The following SLC44A5 variants were observed in gnomAD, a reference collection of about 807,000 sequenced individuals.
The protein encoded by SLC44A5 is choline transporter-like protein 5.
A neutral mutation model predicts 101.8 loss-of-function variants in SLC44A5; 57 were observed. The ratio of observed to expected loss-of-function variants is 0.56; its 90% CI spans 0.45 to 0.70. SLC44A5 has a LOEUF of 0.70. Ranked by LOEUF, SLC44A5 falls within the 30% of genes least tolerant of loss-of-function variation. The pLI is 0.00. For synonymous variants in SLC44A5, 281 were observed against 290.9 expected (o/e 0.97, Z 0.35); for missense variants, 737 against 853.1 (o/e 0.86, Z 1.70).
In SLC44A5 at chr1:75,576,015, G is replaced by C. The variant is rs941499145; in HGVS notation, c.-69-34499C>G. On this transcript the variant is annotated intron_variant, in intron 1 of 23. Transcript: ENST00000370859. ...ACCAGAAATGTAGTAGCCAAAATGA[G>C]AACGGTTGTCACAAGCTATTAAGAG... is the stretch of plus-strand genomic sequence containing the variant. Among the ~76,000 whole-genome samples the C allele has an allele frequency of 3.3e-5, 5 of 151,670 alleles. No homozygotes were observed. In the East Asian group the frequency reaches 7.8e-4, roughly 24 times the overall value.
rs184496706 is a variant in SLC44A5 at position 75,448,276 on chromosome 1, A to C, written c.14-51655T>G. 1.6e-3 allele frequency among the ~76,000 whole-genome samples: 248 copies of C among 152,344 alleles called. 1 individual carries two copies. The highest frequency in any genetic ancestry group is 6.3e-4 in the Non-Finnish European group (43 of 68,040). On this transcript the variant is annotated intron_variant, in intron 2 of 23. Transcript: ENST00000370859. ...TTTGTCTATCTTGTCCTAATGTTCA[A>C]GTCTGCATAGATGGAAACATGATCA...
At chr1:75,222,336 T>G in intron 14 of SLC44A5, 25 bp downstream of exon 14, 12 of 1,537,150 alleles carry the variant, frequency 7.8e-6, no homozygotes, top group African/African-American at 1.4e-5. Flanking sequence ...ACACTTTAGC[T>G]GAGTTTCTAC....
intron 2 of SLC44A5, among the ~76,000 whole-genome samples, chr1:75,403,361 C>T (rs1208220774): frequency 6.6e-6 from 1 of 152,184 alleles, no homozygotes; most frequent in African/African-American, 2.4e-5. Flanking sequence ...GGACAGACTG[C>T]CTCCTCAAGT....
At chr1:75,450,088 A>G (rs2587042) in intron 2 of SLC44A5, among the ~76,000 whole-genome samples, 36,121 of 152,090 alleles carry the variant, frequency 0.24, 5,414 homozygotes, top group East Asian at 0.8. Flanking sequence ...ATCCACTTGA[A>G]TCATGTAGGA....
chr1:75,457,492 T>G (rs1666252874), intron 2 of SLC44A5, among the ~76,000 whole-genome samples: 1 of 152,090 alleles, frequency 6.6e-6, no homozygotes, highest in Non-Finnish European at 1.5e-5. Flanking sequence ...GAAAAAGTAT[T>G]CCAGGCTGTG....
chr1:75,582,975 A>G (rs532977928), intron 1 of SLC44A5, among the ~76,000 whole-genome samples: 1 of 152,284 alleles, frequency 6.6e-6, no homozygotes, highest in Non-Finnish European at 1.5e-5. Context: ...CCCCTCCTCT[A>G]GCCTTGACAG....
chr1:75,253,708 A>G (rs998992950), intron 6 of SLC44A5, among the ~76,000 whole-genome samples: 2 of 152,156 alleles, frequency 1.3e-5, no homozygotes, highest in African/African-American at 4.8e-5. Flanking sequence ...GTAAATCAGT[A>G]AGTGCCAAGA....
rs1646867850 is a variant in SLC44A5, at chr1:75,211,995, A to G, written c.1963-443T>C. Reference sequence around the variant, plus strand: ...GATAACAGTTTATAAGAGGTGTTCCAGATAACAGAACAACCCTTCTCAACA... The same window carrying G: ...GATAACAGTTTATAAGAGGTGTTCCGGATAACAGAACAACCCTTCTCAACA... On this transcript the variant is annotated intron_variant, in intron 22 of 23. Coordinates refer to ENST00000370859, the MANE Select transcript of SLC44A5 (RefSeq NM_001130058.2). Among the ~76,000 whole-genome samples, 4 of 152,028 alleles carry G rather than the reference A, an allele frequency of 2.6e-5. No individual in the cohort carries two copies. The South Asian group carries it at 8.3e-4, about 32-fold the overall frequency.
intron 3 of SLC44A5, among the ~76,000 whole-genome samples, chr1:75,344,645 G>C (rs1345651659): frequency 6.6e-6 from 1 of 152,104 alleles, no homozygotes; most frequent in Admixed American, 6.6e-5. Flanking sequence ...GCTATTTCTG[G>C]CTTTAAAGAT....
chr1:75,488,492 T>C (rs1668271326), intron 2 of SLC44A5, among the ~76,000 whole-genome samples: 1 of 152,208 alleles, frequency 6.6e-6, no homozygotes, highest in Non-Finnish European at 1.5e-5. Context: ...TTGACCAAAA[T>C]GTCATCATGC....
At chr1:75,356,631 T>C (rs1350285374) in intron 3 of SLC44A5, among the ~76,000 whole-genome samples, 1 of 152,150 alleles carries the variant, frequency 6.6e-6, no homozygotes, top group Non-Finnish European at 1.5e-5. Flanking sequence ...AAATACACAG[T>C]AATATACAGT....
rs554590312 is a variant in SLC44A5, at chr1:75,536,868, T to C, written c.13+4567A>G. Among the ~76,000 whole-genome samples, 83 of 139,232 alleles carry C rather than the reference T, an allele frequency of 6.0e-4. 1 individual carries two copies. Among genetic ancestry groups the C allele is most frequent in the African/African-American group, 2.0e-3 (76 of 38,546 alleles). 91.3% of individuals were successfully genotyped at this position (139,232 alleles called of 152,430 possible). A position where few individuals can be genotyped will look rare whatever the true frequency, so the allele number is the denominator to read the frequency against. ...AAAAATACAAAAAATTAGCCGGGCG[T>C]AGTGGCGGGCGCCTGTAGTCCCAGC... On this transcript the variant is annotated intron_variant, in intron 2 of 23. Transcript: ENST00000370859.
chr1:75,668,232 T>TA, the SLC44A5 span, among the ~76,000 whole-genome samples: 1 of 144,272 alleles, frequency 6.9e-6, no homozygotes, highest in African/African-American at 2.5e-5. Context: ...ACTGGGCTAA[T>TA]AAAAAATAGG....
At chr1:75,516,657 G>C (rs193215020) in intron 2 of SLC44A5, among the ~76,000 whole-genome samples, 121 of 152,294 alleles carry the variant, frequency 7.9e-4, no homozygotes, top group Non-Finnish European at 1.2e-3. Context: ...TTCTATGTTA[G>C]ATTATGACCA....
intron 1 of SLC44A5, among the ~76,000 whole-genome samples, chr1:75,545,867 A>T (rs1553201643): frequency 3.1e-4 from 46 of 147,710 alleles, no homozygotes; most frequent in Non-Finnish European, 1.5e-5. Context: ...TCTGTCACCC[A>T]GGCTGCTGGA....
At chr1:75,306,642 C>T (rs562014307) in intron 4 of SLC44A5, among the ~76,000 whole-genome samples, 279 of 151,648 alleles carry the variant, frequency 1.8e-3, no homozygotes, top group Middle Eastern at 3.4e-3. Flanking sequence ...TTCACACTAG[C>T]TCTTATTCTC....
intron 9 of SLC44A5, among the ~76,000 whole-genome samples, chr1:75,241,289 T>C (rs1648606771): frequency 6.6e-6 from 1 of 152,032 alleles, no homozygotes; most frequent in Non-Finnish European, 1.5e-5. Context: ...AGTGGTACAA[T>C]CATAGCTAAC....
intron 3 of SLC44A5, among the ~76,000 whole-genome samples, chr1:75,367,479 C>T (rs1205316368): frequency 6.6e-6 from 1 of 152,170 alleles, no homozygotes; most frequent in African/African-American, 2.4e-5. Context: ...ACAGGTGTGG[C>T]TCCTGCTGGG....
At chr1:75,647,772 C>A in the SLC44A5 span, among the ~76,000 whole-genome samples, 62 of 152,282 alleles carry the variant, frequency 4.1e-4, no homozygotes, top group African/African-American at 1.4e-3. Context: ...TGGCCAATTT[C>A]TCCCTTTTGG....
Sources: allele counts gnomAD v4.1 joint callset (sites outside exome capture counted in the v4.1 genomes callset), GRCh38; gene constraint gnomAD v4.1.1; transcripts MANE v1.5; gene names NCBI Gene and HGNC (gene_info 2026-07-23, HGNC 2026-07-21).